SERINC4: variants seen among roughly 807,000 people sequenced by gnomAD.
The protein encoded by SERINC4 is serine incorporator 4.
A neutral mutation model predicts 52.0 loss-of-function variants in SERINC4; 52 were observed. That is an observed-to-expected ratio of 1.00 (90% CI 0.80 to 1.26). The LOEUF is 1.26. Ranked by LOEUF, SERINC4 falls within the 50% of genes most tolerant of loss-of-function variation. SERINC4 has a pLI of 0.00. For synonymous variants in SERINC4, 264 were observed against 247.7 expected (o/e 1.07, Z -0.62); for missense variants, 723 against 632.8 (o/e 1.14, Z -1.53).
At position 43,799,040 on chromosome 15, in the gene SERINC4, G is replaced by A. The variant is rs2087267093; in HGVS notation, c.377C>T (p.Thr126Ile). Residue 126 changes from threonine (T) to isoleucine (I), a missense_variant, in exon 3 of 12, where the codon ACC (threonine) becomes ATC (isoleucine). Thr to Ile is a moderately conservative substitution (Grantham distance 89, BLOSUM62 -1). Transcript: ENST00000319327. Reference protein sequence around the residue: ...SGAVYRVCAGTATFHLLQAVL... With the variant: ...SGAVYRVCAGIATFHLLQAVL... Reference sequence around the variant, plus strand: ...AGCCTGCAGCAGGTGGAAGGTGGCGGTTCCTGCACATACTCGGTACACAGC... The same window carrying A: ...AGCCTGCAGCAGGTGGAAGGTGGCGATTCCTGCACATACTCGGTACACAGC... 2 of 1,550,512 alleles carry A rather than the reference G, an allele frequency of 1.3e-6. No individual in the cohort carries two copies. Among genetic ancestry groups the A allele is most frequent in the Non-Finnish European group, 1.7e-6 (2 of 1,146,974 alleles).
rs1187704426 is a variant in SERINC4, at chr15:43,794,508, T to G, written c.*492A>C. The G allele has an allele frequency of 1.2e-5, 2 of 161,040 alleles. No individual in the cohort carries two copies. Among genetic ancestry groups the G allele is most frequent in the East Asian group, 3.8e-4 (2 of 5,328 alleles). 10.0% of individuals were successfully genotyped at this position (161,040 alleles called of 1,614,324 possible). A position where few individuals can be genotyped will look rare whatever the true frequency, so the allele number is the denominator to read the frequency against. ...GGGTGGTTTTGTCTTCCCGCTTCCC[T>G]TGACCTCAAAATCAGGATTAAAACC... is the stretch of plus-strand genomic sequence containing the variant. On this transcript the variant is annotated 3_prime_UTR_variant, in exon 12 of 12. Coordinates refer to ENST00000319327, the MANE Select transcript of SERINC4 (RefSeq NM_001258031.2).
rs902468390 is a variant in SERINC4 at position 43,800,052 on chromosome 15, G to A, written c.-66C>T. The stretch of plus-strand genomic sequence containing the variant: ...GCAGATGAGAGCAGCAGTTGCTTCT[G>A]TCCTCAGCCCATTGGACTGCCACTG... On this transcript the variant is annotated 5_prime_UTR_variant, in exon 1 of 12. Coordinates refer to ENST00000319327, the MANE Select transcript of SERINC4 (RefSeq NM_001258031.2). 4 of 1,240,410 alleles carry A rather than the reference G, an allele frequency of 3.2e-6. No homozygotes were observed. Among genetic ancestry groups the A allele is most frequent in the Non-Finnish European group, 1.1e-6 (1 of 912,532 alleles). The allele number at this position is 1,240,410 out of a possible 1,614,324, so 76.8% of individuals were successfully genotyped here.
intron 4 of SERINC4, 186 bp downstream of exon 4, chr15:43,798,239 T>TC (rs1293228945): frequency 1.6e-6 from 1 of 623,694 alleles, no homozygotes; most frequent in East Asian, 2.8e-5. Flanking sequence ...TTAGTAGAGA[T>TC]GGGGTTTCAC....
intron 3 of SERINC4, 47 bp from the exon 4 acceptor site, chr15:43,798,551 GGACAGT>G (rs756543466): frequency 1.3e-5 from 18 of 1,423,424 alleles, no homozygotes; most frequent in Non-Finnish European, 1.7e-5. Context: ...AAAAGGCAAA[GGACAGT>G]GAAGAGTGCC....
intron 8 of SERINC4, 172 bp from the exon 9 acceptor site, chr15:43,796,399 A>G (rs1284088995): frequency 1.6e-5 from 11 of 705,370 alleles, no homozygotes; most frequent in Non-Finnish European, 2.2e-5. Context: ...GTCTTTGGAC[A>G]TATTTTAAAT....
rs1460892955 is a variant in SERINC4 at position 43,798,815 on chromosome 15, C to T, written c.458+144G>A. On this transcript the variant is annotated intron_variant, in intron 3 of 11. Transcript: ENST00000319327. The stretch of plus-strand genomic sequence containing the variant: ...AAGCACAAAGTCTGGCTCAAGGTTA[C>T]ACAGCAAGTACACGAGAAGCAGGGA... 20 of 832,092 alleles carry T rather than the reference C, an allele frequency of 2.4e-5. No individual in the cohort carries two copies. In the Middle Eastern group the frequency reaches 1.6e-3, roughly 66 times the overall value. 51.5% of individuals were successfully genotyped at this position (832,092 alleles called of 1,614,324 possible). A position where few individuals can be genotyped will look rare whatever the true frequency, so the allele number is the denominator to read the frequency against.
rs775140522 is a variant in SERINC4 at position 43,798,001 on chromosome 15, A to T, written c.551T>A (p.Ile184Asn). The change falls in exon 5 of 12, where the codon ATT (isoleucine) becomes AAT (asparagine). Residue 184 changes from isoleucine (I) to asparagine (N), a missense_variant. By Grantham distance (149) the Ile-to-Asn change is moderately radical. Coordinates refer to ENST00000319327, the MANE Select transcript of SERINC4 (RefSeq NM_001258031.2). ...DEHLFPAWHY[I>N]GICGGFAFIL... ...GAATGCAAAGCCTCCACAGATGCCA[A>T]TGTAATGCCATGCTGCAAGATGGGC... 2 of 1,612,604 alleles carry T rather than the reference A, an allele frequency of 1.2e-6. No homozygotes were observed. The highest frequency in any genetic ancestry group is 1.3e-5 in the African/African-American group (1 of 74,888).
chr15:43,796,204 T>G lies in SERINC4; in HGVS notation c.1091A>C (p.Glu364Ala). The change falls in exon 9 of 12, where the codon GAG becomes GCG. Residue 364 changes from glutamate (E) to alanine (A), a missense_variant. By Grantham distance (107) the Glu-to-Ala change is moderately radical. Coordinates refer to ENST00000319327, the MANE Select transcript of SERINC4 (RefSeq NM_001258031.2). ...FACNEASYLAEVFGPLWIVKV... is the reference protein window; with the variant it reads ...FACNEASYLAAVFGPLWIVKV... ...GACAATCCACAGGGGTCCAAATACC[T>G]CAGCCAGGTAGGAGGCCTCATTGCT... The G allele has an allele frequency of 6.2e-7, 1 of 1,613,946 alleles. No homozygotes were observed. Among genetic ancestry groups the G allele is most frequent in the Non-Finnish European group, 8.5e-7 (1 of 1,179,846 alleles).
intron 11 of SERINC4, 69 bp downstream of exon 11, chr15:43,795,319 G>A (rs1567170382): frequency 7.5e-6 from 12 of 1,597,428 alleles, no homozygotes; most frequent in Non-Finnish European, 1.0e-5. Context: ...GTCTGGAATG[G>A]CCTTGAATTG....
intron 8 of SERINC4, 186 bp downstream of exon 8, chr15:43,796,430 C>T: frequency 8.2e-6 from 6 of 730,372 alleles, no homozygotes; most frequent in Non-Finnish European, 1.4e-5. Flanking sequence ...TTCCCCCCAC[C>T]CCCTTCATCT....
Position 43,796,734 on chromosome 15 carries a change from G to T in SERINC4, c.949C>A (p.Gln317Lys), listed in dbSNP as rs1262351903. 2 of 1,614,048 alleles carry T rather than the reference G, an allele frequency of 1.2e-6. No homozygotes were observed. The highest frequency in any genetic ancestry group is 1.7e-6 in the Non-Finnish European group (2 of 1,180,026). ...SSRPPERVIL[Q>K]GQNHTLCLPG... ...AGGCACAGGGTGTGATTCTGTCCTTGAAGGATTACTGGGAAGGGACAACAG... is the reference window on the plus strand; with the variant it reads ...AGGCACAGGGTGTGATTCTGTCCTTTAAGGATTACTGGGAAGGGACAACAG... Residue 317 changes from glutamine (Q) to lysine (K), a missense_variant, in exon 8 of 12, where the codon CAA becomes AAA. Transcript: ENST00000319327.
Position 43,794,222 on chromosome 15 carries a change from A to G in SERINC4, c.*778T>C. 2.1e-6 allele frequency: 1 copy of G among 482,052 alleles called. No individual in the cohort carries two copies. The highest frequency in any genetic ancestry group is 3.7e-6 in the Non-Finnish European group (1 of 271,870). The allele number at this position is 482,052 out of a possible 1,614,324, so 29.9% of individuals were successfully genotyped here. A position where few individuals can be genotyped will look rare whatever the true frequency, so the allele number is the denominator to read the frequency against. ...AATGACAACCAAACAAGTACTCCGG[A>G]TATGCAGTAGAGGAATCCTCTAAGA... On this transcript the variant is annotated 3_prime_UTR_variant, in exon 12 of 12. Coordinates refer to ENST00000319327, the MANE Select transcript of SERINC4 (RefSeq NM_001258031.2).
intron 5 of SERINC4, 71 bp from the exon 6 acceptor site, chr15:43,797,427 C>G: frequency 8.2e-7 from 1 of 1,215,226 alleles, no homozygotes. Context: ...GAGTCTTGCT[C>G]TGTTGCCCAG....
At chr15:43,797,882 C>T in intron 5 of SERINC4, 38 bp downstream of exon 5, 1 of 1,482,414 alleles carries the variant, frequency 6.7e-7, no homozygotes, top group Non-Finnish European at 9.4e-7. Context: ...TACTAGAAAC[C>T]TCCCCAGGAA....
rs2141686301 is a variant in SERINC4, at chr15:43,794,905, T to C, written c.*95A>G. 2 of 923,048 alleles carry C rather than the reference T, an allele frequency of 2.2e-6. No homozygotes were observed. Among genetic ancestry groups the C allele is most frequent in the Non-Finnish European group, 3.3e-6 (2 of 601,992 alleles). 57.2% of individuals were successfully genotyped at this position (923,048 alleles called of 1,614,324 possible). A position where few individuals can be genotyped will look rare whatever the true frequency, so the allele number is the denominator to read the frequency against. The stretch of plus-strand genomic sequence containing the variant: ...TTCAGCCCAAACGGAGATAACTCCC[T>C]GTGTGTCCTTGAGGTATTGAGCTGG... On this transcript the variant is annotated 3_prime_UTR_variant, in exon 12 of 12. Transcript: ENST00000319327.
At position 43,799,073 on chromosome 15, in the gene SERINC4, C is replaced by T. The variant is rs748186523; in HGVS notation, c.344G>A (p.Gly115Asp). 3.2e-6 allele frequency: 5 copies of T among 1,550,546 alleles called. No individual in the cohort carries two copies. Among genetic ancestry groups the T allele is most frequent in the East Asian group, 2.4e-5 (1 of 40,924 alleles). The change falls in exon 3 of 12, where the codon GGC becomes GAC. Residue 115 changes from glycine to aspartate, a missense_variant. Transcript: ENST00000319327. The stretch of plus-strand genomic sequence containing the variant: ...ACATACTCGGTACACAGCCCCAGAG[C>T]CACTGAGCACTGGACAGTCAGAGAG... ...FGLSDCPVLS[G>D]SGAVYRVCAG...
Position 43,796,957 on chromosome 15 carries a change from A to G in SERINC4, c.845-17T>C, listed in dbSNP as rs576832363. ...GGGGTTGCTCTGGGGAGTAAGTATA[A>G]TTGCTTTAGTCTACAGGCTGGTAAT... On this transcript the variant is annotated splice_polypyrimidine_tract_variant and intron_variant, in intron 6 of 11. Coordinates refer to ENST00000319327, the MANE Select transcript of SERINC4 (RefSeq NM_001258031.2). 1.2e-6 allele frequency: 2 copies of G among 1,600,966 alleles called. No homozygotes were observed. The highest frequency in any genetic ancestry group is 2.7e-5 in the African/African-American group (2 of 74,710).
rs1455352688 is a variant in SERINC4, at chr15:43,797,279, C to T, written c.710G>A (p.Gly237Asp). Residue 237 changes from glycine to aspartate, a missense_variant, in exon 6 of 12, where the codon GGT (glycine) becomes GAT (aspartate). By Grantham distance (94) the Gly-to-Asp change is moderately conservative (BLOSUM62 -1). Coordinates refer to ENST00000319327, the MANE Select transcript of SERINC4 (RefSeq NM_001258031.2). ...LATLGFYSMA[G>D]VGAVLLFHYY... Reference sequence around the variant, plus strand: ...GTGGAATAGGAGCACAGCTCCCACACCTGCCATGCTGTAGAATCCTAGGGT... The same window carrying T: ...GTGGAATAGGAGCACAGCTCCCACATCTGCCATGCTGTAGAATCCTAGGGT... 1.5e-5 allele frequency: 23 copies of T among 1,549,982 alleles called. No homozygotes were observed. Among genetic ancestry groups the T allele is most frequent in the Admixed American group, 2.0e-5 (1 of 50,980 alleles).
At position 43,797,326 on chromosome 15, in the gene SERINC4, C is replaced by T. The variant is rs1182776566; in HGVS notation, c.663G>A (p.Trp221Ter). 12 of 1,548,864 alleles carry T rather than the reference C, an allele frequency of 7.7e-6. No individual in the cohort carries two copies. Among genetic ancestry groups the T allele is most frequent in the Non-Finnish European group, 9.6e-6 (11 of 1,146,892 alleles). ...WQTGAAQDCS[W>*]FLAVLLATLG... is the part of the protein sequence containing the mutation. ...GGGTGGCCAGCAGGACAGCCAGGAA[C>T]CAGCTACAGTCTTGAGCTGCACCTG... Residue 221 changes from tryptophan (W) to a stop codon, truncating the protein, a stop_gained, in exon 6 of 12, where the codon TGG (tryptophan) becomes TGA (stop). Transcript: ENST00000319327. LOFTEE classifies it high-confidence loss of function.
Sources: allele counts gnomAD v4.1 joint callset, GRCh38; gene constraint gnomAD v4.1.1; transcripts MANE v1.5; gene names NCBI Gene and HGNC (gene_info 2026-07-23, HGNC 2026-07-21).